The following RABGAP1L variants were observed in gnomAD, a reference collection of about 807,000 sequenced individuals.
The protein encoded by RABGAP1L is RAB GTPase activating protein 1 like.
Under a neutral mutation model 137.7 loss-of-function variants are expected in RABGAP1L, and 63 were observed. The ratio of observed to expected loss-of-function variants is 0.46; its 90% CI spans 0.37 to 0.56. RABGAP1L has a LOEUF of 0.56. Among genes scored for constraint, RABGAP1L ranks in the 20% least tolerant of loss-of-function variants. The pLI, the probability that RABGAP1L is intolerant of heterozygous loss-of-function variation, is 0.00. For synonymous variants in RABGAP1L, 431 were observed against 433.7 expected, an observed-to-expected ratio of 0.99 and a Z score of 0.08; for missense variants, 1,095 against 1,244.0, an observed-to-expected ratio of 0.88 and a Z score of 1.80.
intron 13 of RABGAP1L, chr1:174,449,337 CT>C (rs979579520): frequency 1.3e-4 from 88 of 675,304 alleles, no homozygotes; most frequent in South Asian, 2.3e-4. Context: ...AGGTTTCTCT[CT>C]TTTTTTTTCT....
At chr1:174,340,709 T>C (rs1246626807) in intron 11 of RABGAP1L, among the ~76,000 whole-genome samples, 1 of 152,216 alleles carries the variant, frequency 6.6e-6, no homozygotes, top group Non-Finnish European at 1.5e-5. Context: ...TCTTTGCTAA[T>C]TGTGAATAGT....
intron 18 of RABGAP1L, among the ~76,000 whole-genome samples, chr1:174,801,877 C>T (rs1462262755): frequency 2.6e-5 from 4 of 152,192 alleles, no homozygotes; most frequent in Non-Finnish European, 5.9e-5. Context: ...AAATTCTCTA[C>T]ATCTCTGAGG....
chr1:174,923,961 T>G (rs1005283581), intron 19 of RABGAP1L, among the ~76,000 whole-genome samples: 10 of 151,998 alleles, frequency 6.6e-5, no homozygotes, highest in African/African-American at 2.4e-4. Flanking sequence ...ATCAGGAAAG[T>G]ATTTAGTCAA....
chr1:174,737,562 AACCTCT>A (rs138692998), intron 17 of RABGAP1L, among the ~76,000 whole-genome samples: 2,595 of 152,212 alleles, frequency 0.017, 65 homozygotes, highest in African/African-American at 0.06. Flanking sequence ...AAACTCTTCC[AACCTCT>A]ACCTGTTACC....
At chr1:174,212,014 C>T (rs1668933772) in intron 1 of RABGAP1L, among the ~76,000 whole-genome samples, 1 of 152,010 alleles carries the variant, frequency 6.6e-6, no homozygotes, top group African/African-American at 2.4e-5. Flanking sequence ...GGGATAGACC[C>T]AAATACGATA....
At chr1:174,944,006 C>T (rs980552612) in intron 19 of RABGAP1L, among the ~76,000 whole-genome samples, 2 of 152,096 alleles carry the variant, frequency 1.3e-5, no homozygotes, top group Non-Finnish European at 2.9e-5. Context: ...TGCAATGGCT[C>T]ACGCCTATAA....
intron 21 of RABGAP1L, among the ~76,000 whole-genome samples, chr1:174,973,675 G>A (rs545569832): frequency 7.9e-5 from 12 of 151,970 alleles, no homozygotes; most frequent in Admixed American, 3.3e-4. Context: ...GTGAGCCACC[G>A]CGCCTGGCCA....
At chr1:174,360,243 T>TA (rs1037975898) in intron 11 of RABGAP1L, among the ~76,000 whole-genome samples, 11 of 92,902 alleles carry the variant, frequency 1.2e-4, no homozygotes, top group African/African-American at 1.1e-3. Context: ...GTTCAAAAGT[T>TA]AAAATTTTTT....
intron 1 of RABGAP1L, among the ~76,000 whole-genome samples, chr1:174,165,213 A>G (rs1343549811): frequency 1.3e-5 from 2 of 152,170 alleles, no homozygotes. Context: ...CAGTGGTACA[A>G]TCTCGGCTCA....
chr1:174,427,588 G>C (rs1652113717), intron 13 of RABGAP1L, among the ~76,000 whole-genome samples: 1 of 151,968 alleles, frequency 6.6e-6, no homozygotes, highest in African/African-American at 2.4e-5. Context: ...CAGTTCCTTT[G>C]ATTTCTCATT....
chr1:174,621,197 TA>T (rs1228760611), intron 13 of RABGAP1L, among the ~76,000 whole-genome samples: 1 of 151,948 alleles, frequency 6.6e-6, no homozygotes, highest in African/African-American at 2.4e-5. Context: ...CTCAAGGAAA[TA>T]AAAGAGGATA....
At chr1:174,827,995 A>G (rs920477947) in intron 19 of RABGAP1L, among the ~76,000 whole-genome samples, 1 of 148,410 alleles carries the variant, frequency 6.7e-6, no homozygotes, top group East Asian at 2.1e-4. Context: ...AAGCAACAAC[A>G]TATGTTGAAT....
At chr1:174,645,122 A>G (rs935182473) in intron 14 of RABGAP1L, among the ~76,000 whole-genome samples, 7 of 152,170 alleles carry the variant, frequency 4.6e-5, no homozygotes, top group Non-Finnish European at 8.8e-5. Context: ...ACTCTGCTTC[A>G]CTGTAGTAAC....
chr1:174,208,091 A>G (rs932329029), intron 1 of RABGAP1L, among the ~76,000 whole-genome samples: 3 of 152,082 alleles, frequency 2.0e-5, no homozygotes, highest in African/African-American at 7.2e-5. Flanking sequence ...GACCCTATGC[A>G]TATTTTGTTA....
At chr1:174,632,543 A>G (rs1673501866) in intron 13 of RABGAP1L, among the ~76,000 whole-genome samples, 1 of 150,212 alleles carries the variant, frequency 6.7e-6, no homozygotes, top group Admixed American at 6.6e-5. Flanking sequence ...TCAGACGTAG[A>G]TTTGGTCTTT....
At chr1:174,218,881 G>A (rs1293700206) in intron 1 of RABGAP1L, among the ~76,000 whole-genome samples, 1 of 152,012 alleles carries the variant, frequency 6.6e-6, no homozygotes, top group East Asian at 1.9e-4. Flanking sequence ...ATATGGACTG[G>A]TTTGTGTAAA....
chr1:174,731,309 A>G (rs1368634050), intron 17 of RABGAP1L, among the ~76,000 whole-genome samples: 1 of 152,132 alleles, frequency 6.6e-6, no homozygotes, highest in East Asian at 1.9e-4. Flanking sequence ...CAGTGCATTC[A>G]CAAGCATTGC....
chr1:174,377,497 C>A (rs1216153924), intron 12 of RABGAP1L, among the ~76,000 whole-genome samples: 2 of 152,190 alleles, frequency 1.3e-5, no homozygotes, highest in African/African-American at 2.4e-5. Flanking sequence ...CAAGGATAGA[C>A]ACTGAGATTA....
chr1:174,729,965 C>G (rs1362468728), intron 17 of RABGAP1L, among the ~76,000 whole-genome samples: 1 of 152,162 alleles, frequency 6.6e-6, no homozygotes, highest in African/African-American at 2.4e-5. Flanking sequence ...AATCCCATTA[C>G]TGGATGTATA....
Sources: gnomAD v4.1 joint callset for allele counts (sites outside exome capture counted in the v4.1 genomes callset) on GRCh38, gnomAD v4.1.1 for gene constraint, MANE v1.5 for transcripts, NCBI Gene and HGNC (gene_info 2026-07-23, HGNC 2026-07-21) for gene names.